CHODL: variants seen among roughly 807,000 people sequenced by gnomAD.
The protein encoded by CHODL is transmembrane protein MT75.
CHODL carries 29 observed loss-of-function variants against 34.5 expected under a neutral mutation model. That is an observed-to-expected ratio of 0.84 (90% CI 0.63 to 1.15). The LOEUF is 1.15. Ranked by LOEUF, CHODL falls within the 50% of genes most tolerant of loss-of-function variation. CHODL has a pLI of 0.00. For synonymous variants in CHODL, 125 were observed against 116.1 expected (o/e 1.08, Z -0.49); for missense variants, 332 against 332.5 (o/e 1.00, Z 0.01).
intron 1 of CHODL, among the ~76,000 whole-genome samples, chr21:17,921,419 A>T (rs2063182474): frequency 6.6e-6 from 1 of 152,192 alleles, no homozygotes; most frequent in African/African-American, 2.4e-5. Flanking sequence ...GGCAGAAGTG[A>T]TGTGTGCCCC....
intron 1 of CHODL, among the ~76,000 whole-genome samples, chr21:17,967,535 A>G (rs750210415): frequency 3.3e-5 from 5 of 152,190 alleles, no homozygotes; most frequent in Non-Finnish European, 7.3e-5. Flanking sequence ...CTCAAGCTCT[A>G]TGATTTCCTG....
At chr21:18,004,614 C>T (rs530050611) in intron 1 of CHODL, among the ~76,000 whole-genome samples, 10 of 152,338 alleles carry the variant, frequency 6.6e-5, no homozygotes, top group African/African-American at 2.4e-4. Context: ...TCAGCTCACT[C>T]ACTCACACAC....
At chr21:17,920,342 G>A (rs2063174054) in intron 1 of CHODL, among the ~76,000 whole-genome samples, 1 of 152,218 alleles carries the variant, frequency 6.6e-6, no homozygotes, top group South Asian at 2.1e-4. Context: ...CACAATTATG[G>A]CAGAAGGCAA....
rs1481677931 is a variant in CHODL, at chr21:18,191,151, A to G, written c.-44-65358A>G. ...CATCAACCATCAAATGGTTGGCTTT[A>G]TTAATTTGTATTAATTAATTTTATT... On this transcript the variant is annotated intron_variant, in intron 2 of 6. Coordinates refer to the CHODL transcript ENST00000400127. 1.3e-4 allele frequency among the ~76,000 whole-genome samples: 20 copies of G among 152,290 alleles called. No homozygotes were observed. In the South Asian group the frequency reaches 4.1e-3, roughly 32 times the overall value.
intron 1 of CHODL, among the ~76,000 whole-genome samples, chr21:17,974,472 A>T (rs981323853): frequency 7.9e-5 from 12 of 151,940 alleles, no homozygotes; most frequent in Non-Finnish European, 1.5e-4. Flanking sequence ...GGGTTTCACT[A>T]TGTTGGCCAG....
rs931512361 is a variant in CHODL at position 18,145,380 on chromosome 21, T to A, written c.-44-111129T>A. Among the ~76,000 whole-genome samples, 3 of 131,430 alleles carry A rather than the reference T, an allele frequency of 2.3e-5. No homozygotes were observed. In the Admixed American group the frequency reaches 2.9e-4, roughly 12 times the overall value. The allele number at this position is 131,430 out of a possible 152,430, so 86.2% of individuals were successfully genotyped here. On this transcript the variant is annotated intron_variant, in intron 2 of 6. Coordinates refer to the CHODL transcript ENST00000400127. ...TGAACCCGGGAGGCGGAGCTGGCAG[T>A]GAGCCAAGATCGCGCCACTGCACTC...
intron 1 of CHODL, among the ~76,000 whole-genome samples, chr21:18,009,750 T>C (rs1413574831): frequency 1.3e-5 from 2 of 149,804 alleles, no homozygotes; most frequent in Non-Finnish European, 3.0e-5. Context: ...TAGCCGGGCG[T>C]GGTGGTAGGT....
chr21:18,082,895 T>C (rs2064959155), intron 2 of CHODL, among the ~76,000 whole-genome samples: 1 of 151,088 alleles, frequency 6.6e-6, no homozygotes, highest in Non-Finnish European at 1.5e-5. Context: ...GTTTGAAAAA[T>C]TTGCAGCCTG....
chr21:18,218,176 T>G (rs1223893997), intron 2 of CHODL, among the ~76,000 whole-genome samples: 1 of 152,220 alleles, frequency 6.6e-6, no homozygotes. Flanking sequence ...GGGGCTGTGA[T>G]CCTACATTTC....
chr21:18,105,252 G>A (rs1048250897), intron 2 of CHODL, among the ~76,000 whole-genome samples: 1 of 152,182 alleles, frequency 6.6e-6, no homozygotes, highest in Non-Finnish European at 1.5e-5. Flanking sequence ...AAGAGTAGGG[G>A]GTGAGGCAGA....
At chr21:18,121,194 G>A (rs1469306832) in intron 2 of CHODL, among the ~76,000 whole-genome samples, 1 of 151,974 alleles carries the variant, frequency 6.6e-6, no homozygotes, top group South Asian at 2.1e-4. Context: ...ACTCAGCAGG[G>A]GTGTCCAATC....
chr21:18,000,011 C>T (rs10084552), intron 1 of CHODL, among the ~76,000 whole-genome samples: 2,423 of 152,238 alleles, frequency 0.016, 59 homozygotes, highest in African/African-American at 0.055. Context: ...CTGCAGCACT[C>T]CAACAATATT....
chr21:18,266,244 C>T lies in CHODL; in HGVS notation c.*206C>T, dbSNP rs2074460936. 2.0e-6 allele frequency: 3 copies of T among 1,471,110 alleles called. No individual in the cohort carries two copies. Among genetic ancestry groups the T allele is most frequent in the Non-Finnish European group, 2.7e-6 (3 of 1,109,664 alleles). The allele number at this position is 1,471,110 out of a possible 1,614,324, so 91.1% of individuals were successfully genotyped here. On this transcript the variant is annotated 3_prime_UTR_variant, in exon 6 of 6. Coordinates refer to ENST00000299295, the MANE Select transcript of CHODL (RefSeq NM_024944.3). ...TGTGCTAATAATGGAGTGAGACATG[C>T]TTATTTTGCTAAAGGATGCACCCAA... is the stretch of plus-strand genomic sequence containing the variant.
intron 2 of CHODL, among the ~76,000 whole-genome samples, chr21:18,136,502 C>T (rs2072730175): frequency 6.6e-6 from 1 of 152,014 alleles, no homozygotes; most frequent in African/African-American, 2.4e-5. Flanking sequence ...TGCAAATTGA[C>T]ATCCTAAAAT....
intron 2 of CHODL, among the ~76,000 whole-genome samples, chr21:18,070,346 ATTTCT>A (rs2064788284): frequency 6.6e-6 from 1 of 152,038 alleles, no homozygotes; most frequent in Non-Finnish European, 1.5e-5. Flanking sequence ...TCTAAAGCTA[ATTTCT>A]TTTCTTCTGT....
At chr21:18,193,428 G>T (rs2073536397) in intron 2 of CHODL, among the ~76,000 whole-genome samples, 1 of 151,978 alleles carries the variant, frequency 6.6e-6, no homozygotes, top group South Asian at 2.1e-4. Flanking sequence ...AGGTGCGGTG[G>T]CTCACACCTG....
chr21:18,117,915 C>T (rs2065432941), intron 2 of CHODL, among the ~76,000 whole-genome samples: 1 of 152,052 alleles, frequency 6.6e-6, no homozygotes, highest in Non-Finnish European at 1.5e-5. Context: ...ATTTGGCTTG[C>T]TGTGCAGGGC....
At chr21:18,249,374 C>G (rs1038241527) in intron 1 of CHODL, among the ~76,000 whole-genome samples, 1 of 151,136 alleles carries the variant, frequency 6.6e-6, no homozygotes, top group African/African-American at 2.4e-5. Flanking sequence ...CAATTTGGAT[C>G]TAGTTTGTTT....
intron 2 of CHODL, among the ~76,000 whole-genome samples, chr21:18,103,858 A>G (rs1019034668): frequency 6.6e-6 from 1 of 152,090 alleles, no homozygotes; most frequent in Admixed American, 6.6e-5. Context: ...CATTCTTTTT[A>G]TCAAGAGAGA....
Sources: allele counts gnomAD v4.1 joint callset (sites outside exome capture counted in the v4.1 genomes callset), GRCh38; gene constraint gnomAD v4.1.1; transcripts MANE v1.5; gene names NCBI Gene and HGNC (gene_info 2026-07-23, HGNC 2026-07-21).